TALDO1: variants seen among roughly 807,000 people sequenced by gnomAD.
The protein encoded by TALDO1 is transaldolase 1.
TALDO1 carries 29 observed loss-of-function variants against 38.1 expected under a neutral mutation model. The ratio of observed to expected loss-of-function variants is 0.76; its 90% CI spans 0.57 to 1.04. The LOEUF is 1.04. Ranked by LOEUF, TALDO1 falls within the 50% of genes least tolerant of loss-of-function variation. The probability of loss-of-function intolerance (pLI) is 0.00; values close to 1 mark genes in which losing one functional copy is unlikely to be tolerated. For synonymous variants in TALDO1, 207 were observed against 176.8 expected, an observed-to-expected ratio of 1.17 and a Z score of -1.36; for missense variants, 499 against 438.1, an observed-to-expected ratio of 1.14 and a Z score of -1.24.
chr11:752,784 C>G (rs754513832), intron 1 of TALDO1, among the ~76,000 whole-genome samples: 1 of 152,166 alleles, frequency 6.6e-6, no homozygotes, highest in Non-Finnish European at 1.5e-5. Flanking sequence ...GTGATCTGCT[C>G]CAGCAAATTA....
intron 2 of TALDO1, chr11:756,414 T>C: frequency 5.6e-6 from 1 of 179,132 alleles, no homozygotes; most frequent in Non-Finnish European, 1.2e-5. Flanking sequence ...CTTGGCTCAC[T>C]ACAACTTCCG....
Position 764,884 on chromosome 11 carries a change from C to A in TALDO1, c.*39C>A, listed in dbSNP as rs1458593144. 6.2e-7 allele frequency: 1 copy of A among 1,613,678 alleles called. No homozygotes were observed. The highest frequency in any genetic ancestry group is 1.7e-5 in the Admixed American group (1 of 60,036). On this transcript the variant is annotated 3_prime_UTR_variant, in exon 8 of 8. Coordinates refer to ENST00000319006, the MANE Select transcript of TALDO1 (RefSeq NM_006755.2). The stretch of plus-strand genomic sequence containing the variant: ...CTGGACTCCAGATCTGCACCGCCGG[C>A]CAGCTGGGATCTGACTGCACGTGGC...
chr11:754,086 G>A (rs950881032), intron 1 of TALDO1, among the ~76,000 whole-genome samples: 5 of 152,030 alleles, frequency 3.3e-5, no homozygotes, highest in African/African-American at 9.7e-5. Context: ...CCGGGTCCAA[G>A]TGATTTTCCT....
rs1862999557 is a variant in TALDO1 at position 763,790 on chromosome 11, T to C, written c.681T>C (p.Phe227=). The C allele has an allele frequency of 1.9e-6, 3 of 1,614,080 alleles. No homozygotes were observed. The highest frequency in any genetic ancestry group is 2.2e-5 in the South Asian group (2 of 91,082). The part of the protein sequence containing the change: ...VTKIYNYYKK[F]SYKTIVMGAS... Reference sequence around the variant, plus strand: ...AAATCTACAACTACTACAAGAAGTTTAGCTACAAAACCATTGTCATGGGCG... The same window carrying C: ...AAATCTACAACTACTACAAGAAGTTCAGCTACAAAACCATTGTCATGGGCG... Residue 227 remains phenylalanine (F), a synonymous_variant, in exon 6 of 8, where the codon TTT becomes TTC. Coordinates refer to ENST00000319006, the MANE Select transcript of TALDO1 (RefSeq NM_006755.2).
At chr11:763,262 CACCG>C (rs1862979290) in intron 4 of TALDO1, 78 bp from the exon 5 acceptor site, 1 of 230,980 alleles carries the variant, frequency 4.3e-6, no homozygotes, top group African/African-American at 4.3e-5. Flanking sequence ...TCCCCGCCCT[CACCG>C]TCCCCGCCCT....
intron 2 of TALDO1, among the ~76,000 whole-genome samples, chr11:756,512 AT>A (rs34721664): frequency 0.24 from 27,467 of 115,260 alleles, 2,767 homozygotes; most frequent in African/African-American, 0.33. Context: ...TCATTTTTGT[AT>A]TTTTTTTTTT....
Position 755,925 on chromosome 11 carries a change from G to C in TALDO1, c.144G>C (p.Leu48=), listed in dbSNP as rs749922659. Residue 48 remains leucine (L), a synonymous_variant, in exon 2 of 8, where the codon CTG becomes CTC. Transcript: ENST00000319006. Reference sequence around the variant, plus strand: ...AGGATGCTACCACCAACCCGTCCCTGATCCTGGCCGCAGCACAGATGCCCG... The same window carrying C: ...AGGATGCTACCACCAACCCGTCCCTCATCCTGGCCGCAGCACAGATGCCCG... ...KPQDATTNPS[L]ILAAAQMPAY... The C allele has an allele frequency of 6.2e-7, 1 of 1,614,174 alleles. No homozygotes were observed. Among genetic ancestry groups the C allele is most frequent in the South Asian group, 1.1e-5 (1 of 91,074 alleles).
chr11:763,863 TTCC>T lies in TALDO1; in HGVS notation c.757_759del (p.Leu253del). The T allele has an allele frequency of 1.9e-6, 3 of 1,613,876 alleles. No individual in the cohort carries two copies. The highest frequency in any genetic ancestry group is 2.2e-5 in the South Asian group (2 of 91,092). On this transcript the variant is annotated inframe_deletion, in exon 6 of 8. Transcript: ENST00000319006. ...GATCAAAGCACTGGCCGGCTGTGAC[TTCC>T]TCACCATCTCACCCAAGCTCCTGGG...
At position 763,506 on chromosome 11, in the gene TALDO1, C is replaced by T. The variant is rs747433216; in HGVS notation, c.624C>T (p.Pro208=). Residue 208 remains proline (P), a synonymous_variant, in exon 5 of 8, where the codon CCC becomes CCT. Coordinates refer to ENST00000319006, the MANE Select transcript of TALDO1 (RefSeq NM_006755.2). ...VANTDKKSYE[P]LEDPGVKSVT... is the part of the protein sequence containing the mutation. ...ACACCGACAAGAAATCCTATGAGCC[C>T]CTGGAAGACCCTGGTGAGGGTCCCT... is the stretch of plus-strand genomic sequence containing the variant. The T allele has an allele frequency of 1.2e-6, 2 of 1,613,484 alleles. No homozygotes were observed. The highest frequency in any genetic ancestry group is 1.7e-6 in the Non-Finnish European group (2 of 1,179,884).
At chr11:755,428 G>A (rs1265478569) in intron 1 of TALDO1, among the ~76,000 whole-genome samples, 2 of 152,146 alleles carry the variant, frequency 1.3e-5, no homozygotes, top group African/African-American at 4.8e-5. Context: ...ACAGGCGTGG[G>A]CCGCCGCGCC....
chr11:752,008 T>G (rs1398800467), intron 1 of TALDO1, among the ~76,000 whole-genome samples: 1 of 152,118 alleles, frequency 6.6e-6, no homozygotes, highest in African/African-American at 2.4e-5. Context: ...CCTTTCTCTC[T>G]TCAAGGGAGG....
intron 1 of TALDO1, among the ~76,000 whole-genome samples, chr11:750,577 C>T (rs944062491): frequency 1.3e-5 from 2 of 152,190 alleles, no homozygotes; most frequent in African/African-American, 4.8e-5. Flanking sequence ...GTAATCCGAG[C>T]ACTTTGGGAG....
intron 4 of TALDO1, chr11:761,108 T>G (rs971416042): frequency 6.6e-6 from 1 of 151,732 alleles, no homozygotes; most frequent in Admixed American, 6.6e-5. Context: ...CTGAGGTGGG[T>G]AGATCACCTG....
At chr11:754,157 A>G (rs11246302) in intron 1 of TALDO1, among the ~76,000 whole-genome samples, 114,097 of 151,468 alleles carry the variant, frequency 0.75, 43,613 homozygotes, top group African/African-American at 0.88. Flanking sequence ...GCTAATTTTT[A>G]TATTTTTAGT....
chr11:755,936 C>A lies in TALDO1; in HGVS notation c.155C>A (p.Ala52Glu). Residue 52 changes from alanine (A) to glutamate (E), a missense_variant, in exon 2 of 8, where the codon GCA becomes GAA. Ala to Glu is a moderately radical substitution (Grantham distance 107). Coordinates refer to ENST00000319006, the MANE Select transcript of TALDO1 (RefSeq NM_006755.2). ...ACCAACCCGTCCCTGATCCTGGCCG[C>A]AGCACAGATGCCCGCTTACCAGGAG... is the stretch of plus-strand genomic sequence containing the variant. ...ATTNPSLILAAAQMPAYQELV... is the reference protein window; with the variant it reads ...ATTNPSLILAEAQMPAYQELV... 1 of 1,614,154 alleles carries A rather than the reference C, an allele frequency of 6.2e-7. No individual in the cohort carries two copies. The highest frequency in any genetic ancestry group is 8.5e-7 in the Non-Finnish European group (1 of 1,180,018).
At chr11:759,788 G>A (rs1411693698) in intron 3 of TALDO1, among the ~76,000 whole-genome samples, 2 of 152,098 alleles carry the variant, frequency 1.3e-5, no homozygotes, top group Non-Finnish European at 2.9e-5. Flanking sequence ...CACCATGTTG[G>A]CCAGGATGGT....
At position 763,370 on chromosome 11, in the gene TALDO1, A is replaced by ACTGCAACATGC; in HGVS notation, c.498_499insCCTGCAACATG (p.Thr167ProfsTer4). On this transcript the variant is annotated frameshift_variant, in exon 5 of 8. Transcript: ENST00000319006. LOFTEE classifies it high-confidence loss of function. ...GAGCTCGAGGAGCAGCACGGCATCC[A>ACTGCAACATGC]CTGCAACATGACGTTACTCTTCTCC... 1 of 1,597,404 alleles carries ACTGCAACATGC rather than the reference A, an allele frequency of 6.3e-7. No individual in the cohort carries two copies. Among genetic ancestry groups the ACTGCAACATGC allele is most frequent in the Non-Finnish European group, 8.5e-7 (1 of 1,170,864 alleles).
In TALDO1 at chr11:763,519, G is replaced by C. The variant is rs1862990668; in HGVS notation, c.637G>C (p.Gly213Arg). The C allele has an allele frequency of 6.2e-7, 1 of 1,613,582 alleles. No individual in the cohort carries two copies. Among genetic ancestry groups the C allele is most frequent in the Non-Finnish European group, 8.5e-7 (1 of 1,179,938 alleles). The change falls in exon 5 of 8, where the codon GGG (glycine) becomes CGG (arginine). Residue 213 changes from glycine (G) to arginine (R), a missense_variant and splice_region_variant. Gly to Arg is a moderately radical substitution (Grantham distance 125). Transcript: ENST00000319006. ...ATCCTATGAGCCCCTGGAAGACCCT[G>C]GTGAGGGTCCCTCTGTGGTAATGGG... ...KKSYEPLEDP[G>R]VKSVTKIYNY...
rs368002432 is a variant in TALDO1, at chr11:763,796, C to T, written c.687C>T (p.Tyr229=). Residue 229 remains tyrosine, a synonymous_variant, in exon 6 of 8, where the codon TAC becomes TAT. Coordinates refer to ENST00000319006, the MANE Select transcript of TALDO1 (RefSeq NM_006755.2). ...KIYNYYKKFS[Y]KTIVMGASFR... is the part of the protein sequence containing the mutation. ...ACAACTACTACAAGAAGTTTAGCTACAAAACCATTGTCATGGGCGCCTCCT... is the reference window on the plus strand; with the variant it reads ...ACAACTACTACAAGAAGTTTAGCTATAAAACCATTGTCATGGGCGCCTCCT... 1.2e-6 allele frequency: 2 copies of T among 1,614,102 alleles called. No individual in the cohort carries two copies. The highest frequency in any genetic ancestry group is 1.6e-4 in the Middle Eastern group (1 of 6,062).
Sources: gnomAD v4.1 joint callset for allele counts (sites outside exome capture counted in the v4.1 genomes callset) on GRCh38, gnomAD v4.1.1 for gene constraint, MANE v1.5 for transcripts, NCBI Gene and HGNC (gene_info 2026-07-23, HGNC 2026-07-21) for gene names.